The following BCL6 variants were observed in gnomAD, a reference collection of about 807,000 sequenced individuals.
The protein encoded by BCL6 is BCL6 transcription repressor.
BCL6 carries 7 observed loss-of-function variants against 59.5 expected under a neutral mutation model. The ratio of observed to expected loss-of-function variants is 0.12; its 90% CI spans 0.07 to 0.22. BCL6 has a LOEUF of 0.22. BCL6 is among the 10% of genes least tolerant of loss of function. The pLI is 1.00. For synonymous variants in BCL6, 339 were observed against 349.7 expected, an observed-to-expected ratio of 0.97 and a Z score of 0.34; for missense variants, 685 against 939.4, an observed-to-expected ratio of 0.73 and a Z score of 3.54.
chr3:187,743,417 G>T (rs2108481818), intron 1 of BCL6, among the ~76,000 whole-genome samples: 1 of 152,140 alleles, frequency 6.6e-6, no homozygotes, highest in Admixed American at 6.5e-5. Context: ...GGGACTTTCA[G>T]CACCTGGTTT....
In BCL6 at chr3:187,725,385, GCTTGCCTGCCCGCTCCA is replaced by G; in HGVS notation, c.1839+97_1839+113del. On this transcript the variant is annotated intron_variant, in intron 8 of 9. Coordinates refer to ENST00000406870, the MANE Select transcript of BCL6 (RefSeq NM_001706.5). The surrounding 1 kb of genome is among the most constrained non-coding windows in gnomAD (Gnocchi z 4.7). ...CCCGCTCTGCTCACCTGCCCGCTCC[GCTTGCCTGCCCGCTCCA>G]CTTGCCTGCCCACTCCTCCGCTTGC... 4 of 1,539,618 alleles carry G rather than the reference GCTTGCCTGCCCGCTCCA, an allele frequency of 2.6e-6. No individual in the cohort carries two copies. The highest frequency in any genetic ancestry group is 1.9e-5 in the Admixed American group (1 of 51,740).
intron 1 of BCL6, chr3:187,736,703 T>C (rs1218304914): frequency 6.6e-6 from 1 of 152,158 alleles, no homozygotes; most frequent in East Asian, 1.9e-4. Flanking sequence ...GCGCAGGTCC[T>C]TCTCAAGTTC....
At chr3:187,728,136 A>G (rs1476521739) in intron 6 of BCL6, among the ~76,000 whole-genome samples, 1 of 152,192 alleles carries the variant, frequency 6.6e-6, no homozygotes, top group African/African-American at 2.4e-5. Flanking sequence ...GTAAGTCTTG[A>G]TTACCCCAGA....
At chr3:187,745,299 T>C (rs1286607455) in intron 1 of BCL6, 111 bp downstream of exon 1, 2 of 398,464 alleles carry the variant, frequency 5.0e-6, no homozygotes, top group African/African-American at 2.1e-5. Context: ...AAAAAAAGAA[T>C]TAAAAGGTAA....
Position 187,731,684 on chromosome 3 carries a change from C to T in BCL6, c.383+25G>A, listed in dbSNP as rs371327693. ...CGGGGACTATCTCTTCCATCTCCGA[C>T]GCTTCCACCCGGGTAGCAACTCACC... is the stretch of plus-strand genomic sequence containing the variant. On this transcript the variant is annotated intron_variant, in intron 4 of 9. Coordinates refer to ENST00000406870, the MANE Select transcript of BCL6 (RefSeq NM_001706.5). The T allele has an allele frequency of 1.5e-5, 24 of 1,608,228 alleles. 1 individual carries two copies. The highest frequency in any genetic ancestry group is 3.8e-4 in the Middle Eastern group (2 of 5,312).
rs1434402411 is a variant in BCL6, at chr3:187,729,784, G to A, written c.621C>T (p.Leu207=). 69 of 1,614,120 alleles carry A rather than the reference G, an allele frequency of 4.3e-5. 1 individual carries two copies. In the Admixed American group the frequency reaches 8.5e-4, roughly 20 times the overall value. Residue 207 remains leucine, a synonymous_variant, in exon 5 of 10, where the codon CTC becomes CTT. Coordinates refer to ENST00000406870, the MANE Select transcript of BCL6 (RefSeq NM_001706.5). The surrounding 1 kb of genome is among the most constrained non-coding windows in gnomAD (Gnocchi z 5.6). The part of the protein sequence containing the change: ...MYSHLPVSSL[L]FSDEEFRDVR... ...CATCCCGAAACTCCTCATCGGAGAA[G>A]AGGAGGCTGCTGACAGGGAGGTGGC...
At chr3:187,744,574 C>A (rs895018974) in intron 1 of BCL6, among the ~76,000 whole-genome samples, 1 of 151,918 alleles carries the variant, frequency 6.6e-6, no homozygotes, top group Non-Finnish European at 1.5e-5. Flanking sequence ...GGATTTATGA[C>A]CAAAAAAACA....
intron 1 of BCL6, among the ~76,000 whole-genome samples, chr3:187,741,218 C>A (rs1711578682): frequency 6.6e-6 from 1 of 152,222 alleles, no homozygotes; most frequent in African/African-American, 2.4e-5. Flanking sequence ...GATGCTCCCG[C>A]CTCTAGCAAC....
intron 2 of BCL6, chr3:187,734,481 T>A (rs1719193514): frequency 6.6e-6 from 1 of 152,278 alleles, no homozygotes; most frequent in African/African-American, 2.4e-5. Context: ...AAGTTAGAAA[T>A]ACATTCCTCG....
chr3:187,743,500 A>C (rs967050088), intron 1 of BCL6, among the ~76,000 whole-genome samples: 1 of 152,134 alleles, frequency 6.6e-6, no homozygotes, highest in Non-Finnish European at 1.5e-5. Context: ...CCATCGTAGA[A>C]GGGAACACAA....
At chr3:187,738,059 G>A in intron 1 of BCL6, 1 of 152,224 alleles carries the variant, frequency 6.6e-6, no homozygotes. Context: ...CGCGCCGAGT[G>A]CAGGGCTCTC....
Position 187,722,369 on chromosome 3 carries a change from A to G in BCL6, c.*89T>C. The G allele has an allele frequency of 7.4e-7, 1 of 1,360,224 alleles. No homozygotes were observed. The highest frequency in any genetic ancestry group is 1.6e-5 in the South Asian group (1 of 60,954). 84.3% of individuals were successfully genotyped at this position (1,360,224 alleles called of 1,614,324 possible). A position where few individuals can be genotyped will look rare whatever the true frequency, so the allele number is the denominator to read the frequency against. ...CACTAGTGGATGAAAGAGGCACTAC[A>G]TCATGGGATGAACATTGTAAAGTGT... On this transcript the variant is annotated 3_prime_UTR_variant, in exon 10 of 10. Coordinates refer to ENST00000406870, the MANE Select transcript of BCL6 (RefSeq NM_001706.5).
At chr3:187,728,328 C>T in intron 6 of BCL6, 32 bp downstream of exon 6, 1 of 1,541,154 alleles carries the variant, frequency 6.5e-7, no homozygotes, top group South Asian at 1.2e-5. Context: ...CTTCCTTCTC[C>T]CTGACAAGAG....
chr3:187,734,952 G>A (rs1253781163), intron 1 of BCL6, 45 bp from the exon 2 acceptor site: 1 of 152,674 alleles, frequency 6.5e-6, no homozygotes, highest in African/African-American at 2.4e-5. Context: ...TTTAACGAAT[G>A]TAAGATTGTC....
At chr3:187,745,145 A>C (rs559225125) in intron 1 of BCL6, among the ~76,000 whole-genome samples, 2 of 152,128 alleles carry the variant, frequency 1.3e-5, no homozygotes, top group East Asian at 1.9e-4. Flanking sequence ...ATACATAACA[A>C]TCTATATCCT....
In BCL6 at chr3:187,729,832, C is replaced by T. The variant is rs370653196; in HGVS notation, c.573G>A (p.Pro191=). 41 of 1,613,722 alleles carry T rather than the reference C, an allele frequency of 2.5e-5. 1 individual carries two copies. Among genetic ancestry groups the T allele is most frequent in the African/African-American group, 5.3e-5 (4 of 74,888 alleles). ...APSLYSGLST[P]PASYSMYSHL... ...GGCTGTACATGGAATAAGAGGCTGGCGGTGTGGACAGGCCACTGTACAGGC... is the reference window on the plus strand; with the variant it reads ...GGCTGTACATGGAATAAGAGGCTGGTGGTGTGGACAGGCCACTGTACAGGC... Residue 191 remains proline (P), a synonymous_variant, in exon 5 of 10, where the codon CCG becomes CCA. Coordinates refer to ENST00000406870, the MANE Select transcript of BCL6 (RefSeq NM_001706.5). This position sits in a 1 kb window ranked among gnomAD's most constrained non-coding sequence, Gnocchi z 5.6.
intron 9 of BCL6, 37 bp from the exon 10 acceptor site, chr3:187,722,638 C>A: frequency 6.2e-7 from 1 of 1,601,398 alleles, no homozygotes; most frequent in African/African-American, 1.3e-5. Flanking sequence ...TAGCTGTCAT[C>A]AACCCAAGAA....
At chr3:187,728,226 T>C in intron 6 of BCL6, 134 bp downstream of exon 6, 3 of 944,190 alleles carry the variant, frequency 3.2e-6, no homozygotes, top group Non-Finnish European at 4.6e-6. Context: ...GCTGGTGACT[T>C]GGAGTGCCAG....
At position 187,725,672 on chromosome 3, in the gene BCL6, A is replaced by C. The variant is rs372794459; in HGVS notation, c.1709-43T>G. On this transcript the variant is annotated intron_variant, in intron 7 of 9. Coordinates refer to ENST00000406870, the MANE Select transcript of BCL6 (RefSeq NM_001706.5). The surrounding 1 kb of genome is among the most constrained non-coding windows in gnomAD (Gnocchi z 4.7). The stretch of plus-strand genomic sequence containing the variant: ...GGAAAAAGAAAAGCCATATTCAATA[A>C]GGAAGGTCTCTGCAGTCCGTGGCTC... 4 of 1,612,510 alleles carry C rather than the reference A, an allele frequency of 2.5e-6. No individual in the cohort carries two copies. In the African/African-American group the frequency reaches 5.3e-5, roughly 22 times the overall value.
Sources: gnomAD v4.1 joint callset for allele counts (sites outside exome capture counted in the v4.1 genomes callset) on GRCh38, gnomAD v4.1.1 for gene constraint, Gnocchi (gnomAD v3.1) non-coding constraint, MANE v1.5 for transcripts, NCBI Gene and HGNC (gene_info 2026-07-23, HGNC 2026-07-21) for gene names.